The following YY1AP1 variants were observed in gnomAD, a reference collection of about 807,000 sequenced individuals.
YY1AP1 encodes the protein YY1 associated protein 1, also known as YY1-associated protein 1.
YY1AP1 carries 43 observed loss-of-function variants against 39.9 expected under a neutral mutation model. That is an observed-to-expected ratio of 1.08 (90% confidence interval 0.84 to 1.39). The LOEUF (loss-of-function observed/expected upper bound fraction) is 1.39, where lower values mean the gene tolerates loss of function less well. Ranked by LOEUF, YY1AP1 falls within the 40% of genes most tolerant of loss-of-function variation. The pLI, the probability that YY1AP1 is intolerant of heterozygous loss-of-function variation, is 0.00. For missense variants in YY1AP1, 813 were observed against 900.7 expected (o/e 0.90, Z 1.25); for synonymous variants, 292 against 331.3 (o/e 0.88, Z 1.29).
intron 2 of YY1AP1, among the ~76,000 whole-genome samples, chr1:155,683,555 T>C (rs1246668904): frequency 2.0e-5 from 3 of 151,898 alleles, no homozygotes; most frequent in East Asian, 1.9e-4. Flanking sequence ...GCTCAGGACA[T>C]TGAGGCAGGA....
At chr1:155,683,059 C>T (rs1426524966) in intron 2 of YY1AP1, among the ~76,000 whole-genome samples, 1 of 151,558 alleles carries the variant, frequency 6.6e-6, no homozygotes, top group Non-Finnish European at 1.5e-5. Context: ...GCACTCCAGC[C>T]TGGGCGACAA....
rs765698545 is a variant in YY1AP1 at position 155,660,122 on chromosome 1, G to A, written c.1788C>T (p.Asn596=). 3 of 1,614,088 alleles carry A rather than the reference G, an allele frequency of 1.9e-6. No individual in the cohort carries two copies. In the East Asian group the frequency reaches 6.7e-5, roughly 36 times the overall value. ...TCAATGGACAGGGGAAGGAAGTAGG[G>A]TTAACCAAGAGGGTGGCGATGGGAA... ...QTIPIATLLV[N]PTSFPCPLNQ... The change falls in exon 11 of 11, where the codon AAC becomes AAT. Residue 596 remains asparagine, a synonymous_variant. Coordinates refer to ENST00000355499, the MANE Select transcript of YY1AP1 (RefSeq NM_139119.3).
intron 3 of YY1AP1, chr1:155,679,942 C>A: frequency 3.0e-6 from 1 of 329,670 alleles, no homozygotes; most frequent in South Asian, 4.0e-5. Context: ...AATTCCAGCA[C>A]TTTGGGAGGT....
chr1:155,671,460 C>T (rs1649859042), intron 7 of YY1AP1, among the ~76,000 whole-genome samples: 1 of 151,598 alleles, frequency 6.6e-6, no homozygotes, highest in Admixed American at 6.6e-5. Context: ...AAGATTCCAA[C>T]TTCTTTAATC....
chr1:155,681,136 T>C (rs1406721701), intron 2 of YY1AP1, among the ~76,000 whole-genome samples: 1 of 151,788 alleles, frequency 6.6e-6, no homozygotes, highest in African/African-American at 2.4e-5. Flanking sequence ...GTTCAAGCTA[T>C]TCTCCTGCCT....
At chr1:155,674,946 G>A in intron 6 of YY1AP1, 64 bp downstream of exon 6, 1 of 1,452,384 alleles carries the variant, frequency 6.9e-7, no homozygotes, top group Non-Finnish European at 9.6e-7. Flanking sequence ...ATAACTGTGA[G>A]AAATAACCTG....
chr1:155,688,117 G>A lies in YY1AP1; in HGVS notation c.-67C>T, dbSNP rs146736158. ...TGAGAGTACAGGGAAGTGAGGAAGA[G>A]GGGGTGGCCGCCAGGCTCCTCCGCT... On this transcript the variant is annotated 5_prime_UTR_variant, in exon 2 of 11. Transcript: ENST00000355499. 17 of 1,611,100 alleles carry A rather than the reference G, an allele frequency of 1.1e-5. No homozygotes were observed. The highest frequency in any genetic ancestry group is 1.4e-5 in the Non-Finnish European group (16 of 1,178,108).
chr1:155,688,796 C>T, upstream of YY1AP1: 3 of 1,548,510 alleles, frequency 1.9e-6, no homozygotes, highest in Non-Finnish European at 2.6e-6. Flanking sequence ...GTGCGCCTCC[C>T]ACAGTCCCCA....
chr1:155,661,113 A>G (rs1648030565), intron 10 of YY1AP1, 194 bp downstream of exon 10: 7 of 1,503,392 alleles, frequency 4.7e-6, no homozygotes, highest in Non-Finnish European at 5.4e-6. Flanking sequence ...TTACCATTTT[A>G]CCCATTATTT....
chr1:155,665,491 C>T (rs1298060917), intron 9 of YY1AP1, among the ~76,000 whole-genome samples: 8 of 151,672 alleles, frequency 5.3e-5, no homozygotes, highest in African/African-American at 1.5e-4. Context: ...CCCAGCTACT[C>T]GGGAGGCTGA....
intron 4 of YY1AP1, among the ~76,000 whole-genome samples, chr1:155,677,618 A>C (rs1181425035): frequency 1.3e-5 from 2 of 152,206 alleles, no homozygotes; most frequent in Admixed American, 6.5e-5. Context: ...AACGTTTTTC[A>C]ATAGTTTTTG....
chr1:155,680,365 T>C, intron 3 of YY1AP1, 51 bp downstream of exon 3: 1 of 1,607,432 alleles, frequency 6.2e-7, no homozygotes. Context: ...ACACATTTTG[T>C]TGGAGAACCA....
In YY1AP1 at chr1:155,660,341, C is replaced by T; in HGVS notation, c.1569G>A (p.Lys523=). 1 of 1,614,154 alleles carries T rather than the reference C, an allele frequency of 6.2e-7. No individual in the cohort carries two copies. Residue 523 remains lysine, a synonymous_variant, in exon 11 of 11, where the codon AAG becomes AAA. Coordinates refer to ENST00000355499, the MANE Select transcript of YY1AP1 (RefSeq NM_139119.3). ...TTGAGGGTCTCCGTCTCACATATGGCTTTCGAAACATGGAAGAGGCAGGGG... is the reference window on the plus strand; with the variant it reads ...TTGAGGGTCTCCGTCTCACATATGGTTTTCGAAACATGGAAGAGGCAGGGG... ...MPSPASSMFR[K]PYVRRRPSKR... is the part of the protein sequence containing the mutation.
At chr1:155,661,592 T>C (rs1054486170) in intron 9 of YY1AP1, among the ~76,000 whole-genome samples, 169 bp from the exon 10 acceptor site, 3 of 151,716 alleles carry the variant, frequency 2.0e-5, no homozygotes, top group Non-Finnish European at 4.4e-5. Flanking sequence ...CATATACGAA[T>C]AGCATATGCT....
chr1:155,676,631 C>T lies in YY1AP1; in HGVS notation c.241G>A (p.Val81Ile). 6.2e-7 allele frequency: 1 copy of T among 1,614,152 alleles called. No individual in the cohort carries two copies. The highest frequency in any genetic ancestry group is 1.1e-5 in the South Asian group (1 of 91,074). Residue 81 changes from valine to isoleucine, a missense_variant, in exon 5 of 11, where the codon GTT becomes ATT. Val to Ile is a conservative substitution (Grantham distance 29). Around this residue, in one of 3 missense-constraint regions of YY1AP1, gnomAD observed 196 missense variants for 189.7 expected, o/e 1.03. Transcript: ENST00000355499. ...TGAACTTCCTTACACTGGGGTTTAA[C>T]CTTCTCTACCTCCTTCTGCTGTTTG... ...SAKQQKEVEKVKPQCKEVHQT... is the reference protein window; with the variant it reads ...SAKQQKEVEKIKPQCKEVHQT...
chr1:155,670,597 C>T, intron 7 of YY1AP1, 133 bp from the exon 8 acceptor site: 1 of 879,716 alleles, frequency 1.1e-6, no homozygotes, highest in Non-Finnish European at 1.7e-6. Context: ...GCCTACCACT[C>T]CCCAAAGAGT....
intron 6 of YY1AP1, among the ~76,000 whole-genome samples, chr1:155,673,308 C>A (rs1454825540): frequency 1.3e-5 from 2 of 152,084 alleles, no homozygotes; most frequent in Non-Finnish European, 2.9e-5. Context: ...GTCACCTCAC[C>A]CGACCAGGAC....
At chr1:155,670,965 C>T (rs891130809) in intron 7 of YY1AP1, 11 of 162,164 alleles carry the variant, frequency 6.8e-5, no homozygotes, top group Admixed American at 2.3e-4. Flanking sequence ...CCACGGCGCC[C>T]GGCCTCTCTT....
rs184118352 is a variant in YY1AP1, at chr1:155,680,065, T to C, written c.21+351A>G. 11 of 237,792 alleles carry C rather than the reference T, an allele frequency of 4.6e-5. No individual in the cohort carries two copies. The East Asian group carries it at 1.3e-3, about 28-fold the overall frequency. 14.7% of individuals were successfully genotyped at this position (237,792 alleles called of 1,614,324 possible). The stretch of plus-strand genomic sequence containing the variant: ...GTAGGTGTGTGCCTGTAGTCCCAGC[T>C]ACTCAGGAGGCTTAGATGAGAGAAT... On this transcript the variant is annotated intron_variant, in intron 3 of 10. Coordinates refer to ENST00000355499, the MANE Select transcript of YY1AP1 (RefSeq NM_139119.3).
Sources: gnomAD v4.1 joint callset for allele counts (sites outside exome capture counted in the v4.1 genomes callset) on GRCh38, gnomAD v4.1.1 for gene constraint, gnomAD v4.1.1 regional missense constraint, MANE v1.5 for transcripts, NCBI Gene and HGNC (gene_info 2026-07-23, HGNC 2026-07-21) for gene names.